The following BCAS4 variants were observed in gnomAD, a reference collection of about 807,000 sequenced individuals.
The protein encoded by BCAS4 is breast carcinoma-amplified sequence 4.
BCAS4 carries 9 observed loss-of-function variants against 15.7 expected under a neutral mutation model. That is an observed-to-expected ratio of 0.57 (90% confidence interval 0.34 to 1.00). The LOEUF (loss-of-function observed/expected upper bound fraction) is 1.00, where lower values mean the gene tolerates loss of function less well. Ranked by LOEUF, BCAS4 falls within the 50% of genes least tolerant of loss-of-function variation. The probability of loss-of-function intolerance (pLI) is 0.02; values close to 1 mark genes in which losing one functional copy is unlikely to be tolerated. For missense variants in BCAS4, 225 were observed against 239.1 expected (o/e 0.94, Z 0.39); for synonymous variants, 101 against 99.5 (o/e 1.02, Z -0.09).
At position 50,852,366 on chromosome 20, in the gene BCAS4, T is replaced by TTGTG. The variant is rs34560943; in HGVS notation, c.399+10484_399+10487dup. ...GCCAGGCCTTGCGCTTTTTGTGGCT[T>TTGTG]TGTGTGTGTGTGTGTGTGTGTTTTC... On this transcript the variant is annotated intron_variant, in intron 4 of 4. Transcript: ENST00000371608. Among the ~76,000 whole-genome samples the TTGTG allele has an allele frequency of 8.4e-4, 126 of 150,222 alleles. 1 individual carries two copies. The highest frequency in any genetic ancestry group is 2.1e-3 in the South Asian group (10 of 4,726).
intron 2 of BCAS4, among the ~76,000 whole-genome samples, chr20:50,822,600 A>G (rs768704999): frequency 1.3e-5 from 2 of 151,662 alleles, no homozygotes; most frequent in African/African-American, 4.8e-5. Context: ...AAAAAACTAC[A>G]GCCACTTTGG....
chr20:50,868,132 G>A (rs1183430486), intron 4 of BCAS4, among the ~76,000 whole-genome samples: 1 of 152,138 alleles, frequency 6.6e-6, no homozygotes, highest in Non-Finnish European at 1.5e-5. Flanking sequence ...CAGAGGTAAG[G>A]CGCCCTTCAC....
intron 1 of BCAS4, among the ~76,000 whole-genome samples, chr20:50,816,791 ATTTTTTTTTTTTT>A (rs35600563): frequency 0.011 from 887 of 80,936 alleles, 14 homozygotes; most frequent in African/African-American, 0.052. Flanking sequence ...TGCCTGGCTA[ATTTTTTTTTTTTT>A]TTTTTTTTTT....
downstream of BCAS4, chr20:50,879,820 C>T (rs1171666241): frequency 6.6e-6 from 1 of 152,658 alleles, no homozygotes; most frequent in African/African-American, 2.4e-5. Context: ...GGGCTTTTCA[C>T]TTGCTCTCTC....
rs1268465154 is a variant in BCAS4 at position 50,876,682 on chromosome 20, T to G, written c.*74T>G. On this transcript the variant is annotated 3_prime_UTR_variant, in exon 5 of 5. Transcript: ENST00000371608. The stretch of plus-strand genomic sequence containing the variant: ...CACTGCAGCTTGGGGGTTTTTTCTT[T>G]GTATTGCTGTTTATTTTATATTTTA... 5 of 1,496,930 alleles carry G rather than the reference T, an allele frequency of 3.3e-6. No homozygotes were observed. Among genetic ancestry groups the G allele is most frequent in the Non-Finnish European group, 4.5e-6 (5 of 1,118,976 alleles). The allele number at this position is 1,496,930 out of a possible 1,614,324, so 92.7% of individuals were successfully genotyped here. A position where few individuals can be genotyped will look rare whatever the true frequency, so the allele number is the denominator to read the frequency against.
chr20:50,870,534 G>A (rs563290875), intron 4 of BCAS4, among the ~76,000 whole-genome samples: 11 of 152,324 alleles, frequency 7.2e-5, no homozygotes, highest in Non-Finnish European at 1.5e-4. Context: ...CCAACTCTGA[G>A]GCTTCGGCCA....
rs562045227 is a variant in BCAS4, at chr20:50,828,733, T to G, written c.163-1546T>G. Among the ~76,000 whole-genome samples, 455 of 152,236 alleles carry G rather than the reference T, an allele frequency of 3.0e-3. 3 individuals carry two copies. The highest frequency in any genetic ancestry group is 0.01 in the African/African-American group (431 of 41,552). ...GGCGGAGGTTACAGTGAGCTGAGAT[T>G]GTGCCACTGCACTCCAGCCTGGGCA... On this transcript the variant is annotated intron_variant, in intron 2 of 4. Transcript: ENST00000371608.
intron 2 of BCAS4, among the ~76,000 whole-genome samples, chr20:50,819,600 C>A (rs1254956959): frequency 6.6e-6 from 1 of 152,112 alleles, no homozygotes; most frequent in Non-Finnish European, 1.5e-5. Context: ...ATTCAGCGGA[C>A]CTCGGCCCAG....
chr20:50,854,855 C>G (rs2123827168), intron 4 of BCAS4, among the ~76,000 whole-genome samples: 1 of 152,328 alleles, frequency 6.6e-6, no homozygotes, highest in South Asian at 2.1e-4. Flanking sequence ...TAACCTGTCG[C>G]CTGCTTCCTG....
chr20:50,832,191 CG>C (rs2088351422), intron 3 of BCAS4, among the ~76,000 whole-genome samples: 1 of 151,746 alleles, frequency 6.6e-6, no homozygotes, highest in Non-Finnish European at 1.5e-5. Context: ...AAACAACACA[CG>C]AGCCTCTCTG....
At chr20:50,855,052 C>G (rs1261990413) in intron 4 of BCAS4, among the ~76,000 whole-genome samples, 1 of 152,188 alleles carries the variant, frequency 6.6e-6, no homozygotes, top group Non-Finnish European at 1.5e-5. Flanking sequence ...AGGGGTTGGG[C>G]TAGCCACGCC....
At chr20:50,834,874 A>G (rs2088387946) in intron 3 of BCAS4, among the ~76,000 whole-genome samples, 2 of 152,290 alleles carry the variant, frequency 1.3e-5, no homozygotes, top group South Asian at 4.1e-4. Context: ...ATGTTGTAGC[A>G]TGTGCCAAGA....
chr20:50,808,791 G>A (rs951982234), intron 1 of BCAS4, among the ~76,000 whole-genome samples: 5 of 152,054 alleles, frequency 3.3e-5, no homozygotes, highest in Non-Finnish European at 7.4e-5. Flanking sequence ...TGGGTTGTCT[G>A]TTTACTCTGC....
Position 50,851,628 on chromosome 20 carries a change from TTC to T in BCAS4, c.399+9733_399+9734del, listed in dbSNP as rs1978425905. Among the ~76,000 whole-genome samples, 1 of 152,226 alleles carries T rather than the reference TTC, an allele frequency of 6.6e-6. No homozygotes were observed. On this transcript the variant is annotated intron_variant, in intron 4 of 4. Transcript: ENST00000371608. The surrounding 1 kb of genome is among the most constrained non-coding windows in gnomAD (Gnocchi z 4.3). ...GGTTGGTGGGACCCTCAACATGCCC[TTC>T]TCTCAAAGCAGCACCACCGTCAGGG... is the stretch of plus-strand genomic sequence containing the variant.
intron 4 of BCAS4, among the ~76,000 whole-genome samples, chr20:50,872,764 C>T (rs1979721168): frequency 6.6e-6 from 1 of 152,186 alleles, no homozygotes; most frequent in African/African-American, 2.4e-5. Context: ...GCCCAGTTCT[C>T]CAAAGAGCTG....
rs565209068 is a variant in BCAS4 at position 50,812,414 on chromosome 20, G to A, written c.91-5797G>A. ...CTCCCAAAGTACTGGGATTACAGGC[G>A]TGAGCTACTGCGTCTGGCCTTTTTT... On this transcript the variant is annotated intron_variant, in intron 1 of 4. Coordinates refer to ENST00000371608, the MANE Select transcript of BCAS4 (RefSeq NM_198799.4). Among the ~76,000 whole-genome samples, 30 of 150,286 alleles carry A rather than the reference G, an allele frequency of 2.0e-4. No individual in the cohort carries two copies. The South Asian group carries it at 2.1e-3, about 11-fold the overall frequency.
intron 4 of BCAS4, among the ~76,000 whole-genome samples, chr20:50,849,060 C>T (rs944084892): frequency 3.2e-4 from 49 of 152,362 alleles, no homozygotes; most frequent in African/African-American, 1.2e-3. Flanking sequence ...GAGGCCACAG[C>T]AGGTGTCCCC....
chr20:50,807,123 C>T (rs927574459), intron 1 of BCAS4, among the ~76,000 whole-genome samples: 8 of 152,054 alleles, frequency 5.3e-5, no homozygotes, highest in South Asian at 2.1e-4. Flanking sequence ...CTGCCTGCCT[C>T]GGCCTCCAAA....
chr20:50,872,386 C>T (rs1239100920), intron 4 of BCAS4, among the ~76,000 whole-genome samples: 1 of 150,796 alleles, frequency 6.6e-6, no homozygotes, highest in African/African-American at 2.4e-5. Context: ...CTGGCTAACA[C>T]AGTGAAACCC....
Sources: allele counts gnomAD v4.1 joint callset (sites outside exome capture counted in the v4.1 genomes callset), GRCh38; gene constraint gnomAD v4.1.1; non-coding constraint Gnocchi (gnomAD v3.1); transcripts MANE v1.5; gene names NCBI Gene and HGNC (gene_info 2026-07-23, HGNC 2026-07-21).